Variants in RYK observed in about 807,000 individuals in gnomAD.
RYK encodes the protein receptor like tyrosine kinase.
Under a neutral mutation model 70.2 loss-of-function variants are expected in RYK, and 21 were observed. That is an observed-to-expected ratio of 0.30 (90% CI 0.21 to 0.43). The LOEUF (loss-of-function observed/expected upper bound fraction) is 0.43. Among genes scored for constraint, RYK ranks in the 20% least tolerant of loss-of-function variants. The pLI, the probability that RYK is intolerant of heterozygous loss-of-function variation, is 1.00. For synonymous variants in RYK, 267 were observed against 278.0 expected, an observed-to-expected ratio of 0.96 and a Z score of 0.39; for missense variants, 604 against 753.3, an observed-to-expected ratio of 0.80 and a Z score of 2.32.
intron 1 of RYK, among the ~76,000 whole-genome samples, chr3:134,247,565 G>C (rs2015496770): frequency 6.6e-6 from 1 of 152,134 alleles, no homozygotes; most frequent in African/African-American, 2.4e-5. Flanking sequence ...AGCTGGGCAT[G>C]GTAATGCGTG....
At position 134,241,106 on chromosome 3, in the gene RYK, A is replaced by C. The variant is rs9871784; in HGVS notation, c.232+9317T>G. On this transcript the variant is annotated intron_variant, in intron 1 of 14. Coordinates refer to ENST00000623711, the MANE Select transcript of RYK (RefSeq NM_002958.4). ...GAAGCCCAGACAGGGTTGGTGGGGGAGGGAAATCACTTGAAGTCAGGAGTT... is the reference window on the plus strand; with the variant it reads ...GAAGCCCAGACAGGGTTGGTGGGGGCGGGAAATCACTTGAAGTCAGGAGTT... Among the ~76,000 whole-genome samples the C allele has an allele frequency of 1.9e-4, 26 of 137,416 alleles. No homozygotes were observed. The East Asian group carries it at 3.4e-3, about 18-fold the overall frequency. 90.2% of individuals were successfully genotyped at this position (137,416 alleles called of 152,430 possible). A position where few individuals can be genotyped will look rare whatever the true frequency, so the allele number is the denominator to read the frequency against.
intron 6 of RYK, 32 bp downstream of exon 6, chr3:134,202,698 A>ATTT: frequency 6.2e-7 from 1 of 1,600,096 alleles, no homozygotes; most frequent in Admixed American, 1.7e-5. Context: ...AACTGCTTTC[A>ATTT]TTTTTTTTCT....
chr3:134,237,940 T>C (rs1454923804), intron 1 of RYK, among the ~76,000 whole-genome samples: 2 of 152,166 alleles, frequency 1.3e-5, no homozygotes, highest in Admixed American at 1.3e-4. Context: ...AAAAAACCAA[T>C]ATCACTTAAC....
At chr3:134,170,135 G>A (rs760407875) in intron 13 of RYK, among the ~76,000 whole-genome samples, 3 of 152,092 alleles carry the variant, frequency 2.0e-5, no homozygotes, top group Admixed American at 6.6e-5. Context: ...AAGCAAAGGC[G>A]ATACATACAT....
At chr3:134,249,295 T>C (rs1028922138) in intron 1 of RYK, among the ~76,000 whole-genome samples, 3 of 152,152 alleles carry the variant, frequency 2.0e-5, no homozygotes, top group Non-Finnish European at 2.9e-5. Context: ...GTACATGTAA[T>C]GTCTAAAGAG....
chr3:134,228,687 T>C (rs1232981069), intron 1 of RYK, among the ~76,000 whole-genome samples: 6 of 152,086 alleles, frequency 3.9e-5, no homozygotes, highest in Non-Finnish European at 1.5e-5. Context: ...ACAGCAATTA[T>C]TACTAGAGAC....
In RYK at chr3:134,162,043, T is replaced by C. The variant is rs574381678; in HGVS notation, c.1576-2670A>G. Among the ~76,000 whole-genome samples the C allele has an allele frequency of 7.9e-5, 12 of 152,258 alleles. No homozygotes were observed. In the South Asian group the frequency reaches 2.5e-3, roughly 32 times the overall value. On this transcript the variant is annotated intron_variant, in intron 13 of 14. Transcript: ENST00000623711. ...CCGGAAGCCCCTGGTGTGTCTTGGT[T>C]TGCAGCTGCAGCCCTGCAGTCCCTG...
intron 9 of RYK, among the ~76,000 whole-genome samples, chr3:134,184,748 G>A (rs2108159092): frequency 6.6e-6 from 1 of 152,094 alleles, no homozygotes; most frequent in South Asian, 2.1e-4. Context: ...CTGGGCAACA[G>A]AGCAAGACCC....
intron 1 of RYK, among the ~76,000 whole-genome samples, chr3:134,224,297 G>A (rs2014823763): frequency 6.6e-6 from 1 of 152,118 alleles, no homozygotes; most frequent in African/African-American, 2.4e-5. Context: ...GTGTCCGACG[G>A]ACAGGGGGCC....
chr3:134,178,052 A>C lies in RYK; in HGVS notation c.1194T>G (p.His398Gln), dbSNP rs1171994347. 1 of 1,584,180 alleles carries C rather than the reference A, an allele frequency of 6.3e-7. No homozygotes were observed. Among genetic ancestry groups the C allele is most frequent in the Non-Finnish European group, 8.6e-7 (1 of 1,164,202 alleles). ...LHHRNLLPIT[H>Q]VCIEEGEKPM... ...GCTTTTCTCCTTCTTCTATACACACATGAGTAATAGGAAGAAGATTTCTAT... is the reference window on the plus strand; with the variant it reads ...GCTTTTCTCCTTCTTCTATACACACCTGAGTAATAGGAAGAAGATTTCTAT... Residue 398 changes from histidine (H) to glutamine (Q), a missense_variant, in exon 11 of 15, where the codon CAT becomes CAG. Physicochemically the swap from His to Gln is conservative, Grantham distance 24. This residue lies in a region of RYK where 466 missense variants were observed against 535.9 expected (regional missense o/e 0.87). Coordinates refer to ENST00000623711, the MANE Select transcript of RYK (RefSeq NM_002958.4).
At chr3:134,196,731 G>A (rs2013829735) in intron 6 of RYK, among the ~76,000 whole-genome samples, 1 of 152,006 alleles carries the variant, frequency 6.6e-6, no homozygotes, top group Non-Finnish European at 1.5e-5. Context: ...AGGCAATGAG[G>A]ACTGTAAGTC....
At chr3:134,178,180 A>C in intron 10 of RYK, 107 bp from the exon 11 acceptor site, 1 of 787,774 alleles carries the variant, frequency 1.3e-6, no homozygotes, top group Non-Finnish European at 2.0e-6. Context: ...AAAATACTTA[A>C]AAACATGATT....
chr3:134,209,321 A>G (rs529908149), intron 4 of RYK, among the ~76,000 whole-genome samples: 21 of 152,348 alleles, frequency 1.4e-4, no homozygotes, highest in Non-Finnish European at 2.5e-4. Context: ...ACCCAGGTCT[A>G]TCTCACCCGA....
chr3:134,174,297 C>T (rs1330790235), intron 13 of RYK, among the ~76,000 whole-genome samples: 1 of 152,170 alleles, frequency 6.6e-6, no homozygotes, highest in African/African-American at 2.4e-5. Flanking sequence ...TGTTTTAAGC[C>T]ACCAAGGTTG....
At chr3:134,194,700 A>G (rs2013758651) in intron 7 of RYK, among the ~76,000 whole-genome samples, 1 of 152,246 alleles carries the variant, frequency 6.6e-6, no homozygotes, top group African/African-American at 2.4e-5. Flanking sequence ...ACCATGGCCC[A>G]TAAGACCATC....
At chr3:134,178,233 C>T (rs2013173897) in intron 10 of RYK, 160 bp from the exon 11 acceptor site, 1 of 584,210 alleles carries the variant, frequency 1.7e-6, no homozygotes, top group Non-Finnish European at 2.9e-6. Flanking sequence ...TATTTTAAAC[C>T]AGACTTAAGT....
intron 1 of RYK, among the ~76,000 whole-genome samples, chr3:134,244,847 A>T (rs1438608603): frequency 2.0e-5 from 3 of 152,168 alleles, no homozygotes; most frequent in Non-Finnish European, 4.4e-5. Flanking sequence ...GCCCTTTGGG[A>T]GGTGATTAGC....
rs1223251342 is a variant in RYK at position 134,229,380 on chromosome 3, G to GA, written c.233-6842dup. ...CTCTCCCTTGCTCTCCTTTGGGCTGGAAAAAAAAAAAAAAAAAACGTAGGA... is the reference window on the plus strand; with the variant it reads ...CTCTCCCTTGCTCTCCTTTGGGCTGGAAAAAAAAAAAAAAAAAAACGTAGGA... On this transcript the variant is annotated intron_variant, in intron 1 of 14. Transcript: ENST00000623711. Among the ~76,000 whole-genome samples, 85 of 129,454 alleles carry GA rather than the reference G, an allele frequency of 6.6e-4. 1 individual carries two copies. Among genetic ancestry groups the GA allele is most frequent in the Non-Finnish European group, 7.4e-4 (46 of 62,306 alleles). 84.9% of individuals were successfully genotyped at this position (129,454 alleles called of 152,430 possible). A position where few individuals can be genotyped will look rare whatever the true frequency, so the allele number is the denominator to read the frequency against.
chr3:134,195,717 C>A (rs534816943), intron 6 of RYK, among the ~76,000 whole-genome samples: 2 of 152,162 alleles, frequency 1.3e-5, no homozygotes, highest in Non-Finnish European at 2.9e-5. Flanking sequence ...GAGGCCAAGG[C>A]GGACAGATGA....
Sources: gnomAD v4.1 joint callset for allele counts (sites outside exome capture counted in the v4.1 genomes callset) on GRCh38, gnomAD v4.1.1 for gene constraint, gnomAD v4.1.1 regional missense constraint, MANE v1.5 for transcripts, NCBI Gene and HGNC (gene_info 2026-07-23, HGNC 2026-07-21) for gene names.